ASH1L: variants seen among roughly 807,000 people sequenced by gnomAD.
The protein encoded by ASH1L is ASH1 like histone lysine methyltransferase.
In ASH1L, 23 loss-of-function variants were observed where a neutral mutation model predicts 269.0. That is an observed-to-expected ratio of 0.09 (90% CI 0.06 to 0.12). The LOEUF (loss-of-function observed/expected upper bound fraction) is 0.12. Among genes scored for constraint, ASH1L ranks in the 10% least tolerant of loss-of-function variants. The pLI is 1.00. For missense variants in ASH1L, 2,912 were observed against 3,567.8 expected (o/e 0.82, Z 4.68); for synonymous variants, 1,187 against 1,253.5 (o/e 0.95, Z 1.12).
chr1:155,505,044 C>A (rs1402202305), intron 2 of ASH1L, among the ~76,000 whole-genome samples: 5 of 152,128 alleles, frequency 3.3e-5, no homozygotes, highest in South Asian at 4.2e-4. Flanking sequence ...AAACAAAAAA[C>A]CAAAGAAAAA....
chr1:155,430,482 G>C (rs1265806792), intron 5 of ASH1L, among the ~76,000 whole-genome samples: 1 of 152,066 alleles, frequency 6.6e-6, no homozygotes, highest in Non-Finnish European at 1.5e-5. Flanking sequence ...TGTTAAAATT[G>C]TATTTTTCTA....
intron 21 of ASH1L, chr1:155,345,925 G>A (rs1028554008): frequency 1.3e-5 from 4 of 319,894 alleles, no homozygotes; most frequent in East Asian, 9.0e-5. Flanking sequence ...TCTGCCTCCC[G>A]GGTTCTAGCA....
chr1:155,541,462 T>C (rs1670422731), intron 1 of ASH1L, among the ~76,000 whole-genome samples: 1 of 152,126 alleles, frequency 6.6e-6, no homozygotes, highest in African/African-American at 2.4e-5. Context: ...ATGAAACTAC[T>C]AAGTCACTAA....
intron 5 of ASH1L, among the ~76,000 whole-genome samples, chr1:155,426,315 C>G (rs997338697): frequency 1.3e-5 from 2 of 152,088 alleles, no homozygotes; most frequent in African/African-American, 4.8e-5. Flanking sequence ...AGCAATCCAC[C>G]TGCCTTGGCC....
intron 7 of ASH1L, among the ~76,000 whole-genome samples, chr1:155,386,711 G>GT (rs1029687377): frequency 2.0e-5 from 3 of 151,234 alleles, no homozygotes; most frequent in Middle Eastern, 3.2e-3. Flanking sequence ...CTTCTCAATG[G>GT]TTTTTTTTCT....
intron 5 of ASH1L, among the ~76,000 whole-genome samples, chr1:155,423,762 AGTCTCTC>A (rs900235698): frequency 1.7e-4 from 26 of 152,124 alleles, no homozygotes; most frequent in Non-Finnish European, 3.1e-4. Flanking sequence ...ACGGAGTCTC[AGTCTCTC>A]GCTCAGGCTG....
chr1:155,462,814 TA>T (rs1391396967), intron 3 of ASH1L, among the ~76,000 whole-genome samples: 1 of 152,198 alleles, frequency 6.6e-6, no homozygotes, highest in African/African-American at 2.4e-5. Context: ...ATTCCATATT[TA>T]AAAAGAATCA....
intron 10 of ASH1L, among the ~76,000 whole-genome samples, chr1:155,375,599 C>A (rs1407247923): frequency 6.6e-6 from 1 of 151,974 alleles, no homozygotes; most frequent in African/African-American, 2.4e-5. Flanking sequence ...CCAGCGTGGT[C>A]AACATGGCAA....
At chr1:155,504,359 C>T (rs1404950867) in intron 2 of ASH1L, among the ~76,000 whole-genome samples, 1 of 152,102 alleles carries the variant, frequency 6.6e-6, no homozygotes, top group South Asian at 2.1e-4. Context: ...ATAGTGGCAA[C>T]TATTAAAAAT....
At chr1:155,414,167 A>T (rs577367850) in intron 6 of ASH1L, among the ~76,000 whole-genome samples, 1 of 152,262 alleles carries the variant, frequency 6.6e-6, no homozygotes, top group Non-Finnish European at 1.5e-5. Flanking sequence ...TTTGACAGAA[A>T]CTGTGAGGTG....
chr1:155,519,442 A>C (rs545502088), intron 2 of ASH1L, among the ~76,000 whole-genome samples: 1 of 152,210 alleles, frequency 6.6e-6, no homozygotes, highest in South Asian at 2.1e-4. Context: ...AACTCAAAAA[A>C]TAAATAAATA....
At chr1:155,551,276 C>CCG (rs1553278795) in intron 1 of ASH1L, among the ~76,000 whole-genome samples, 1 of 151,442 alleles carries the variant, frequency 6.6e-6, no homozygotes, top group African/African-American at 2.4e-5. Context: ...ATCTTTTCCT[C>CCG]GGGGGGGAAA....
At chr1:155,562,886 C>A, upstream of ASH1L, 2 of 453,564 alleles carry the variant, frequency 4.4e-6, no homozygotes, top group Non-Finnish European at 8.8e-6. Context: ...ACGGCCGCCG[C>A]CGCCGCCGCC....
At chr1:155,455,845 A>T (rs1281239088) in intron 4 of ASH1L, among the ~76,000 whole-genome samples, 1 of 152,198 alleles carries the variant, frequency 6.6e-6, no homozygotes, top group Non-Finnish European at 1.5e-5. Flanking sequence ...AATTAGTAAG[A>T]GCTTGTGGTC....
chr1:155,420,975 AC>A (rs1448651798), intron 5 of ASH1L, among the ~76,000 whole-genome samples: 5 of 146,944 alleles, frequency 3.4e-5, no homozygotes, highest in Non-Finnish European at 7.6e-5. Flanking sequence ...GGCAGCTTTC[AC>A]CTGTAATCCC....
At chr1:155,392,842 CTT>C (rs111947784) in intron 7 of ASH1L, among the ~76,000 whole-genome samples, 8 of 142,754 alleles carry the variant, frequency 5.6e-5, no homozygotes, top group Non-Finnish European at 4.6e-5. Context: ...AATTCCTCGT[CTT>C]TTTTTTTTTT....
rs1374696112 is a variant in ASH1L, at chr1:155,345,567, CCAG to C, written c.7890+813_7890+815del. 4.2e-3 allele frequency among the ~76,000 whole-genome samples: 624 copies of C among 148,434 alleles called. 3 individuals carry two copies. The highest frequency in any genetic ancestry group is 6.4e-3 in the Non-Finnish European group (433 of 67,308). The stretch of plus-strand genomic sequence containing the variant: ...GGATTATAGGTGTGAGCCACCATGC[CCAG>C]CTTTTTTTTTTTTTTTTTTTTTGAG... On this transcript the variant is annotated intron_variant, in intron 21 of 27. Coordinates refer to ENST00000392403, the MANE Select transcript of ASH1L (RefSeq NM_018489.3).
At chr1:155,381,840 T>A (rs1301656910) in intron 7 of ASH1L, among the ~76,000 whole-genome samples, 1 of 151,246 alleles carries the variant, frequency 6.6e-6, no homozygotes, top group Non-Finnish European at 1.5e-5. Context: ...TGTGTCAAGA[T>A]CACGTACTGC....
chr1:155,514,478 T>G (rs904661341), intron 2 of ASH1L, among the ~76,000 whole-genome samples: 1 of 152,206 alleles, frequency 6.6e-6, no homozygotes, highest in Non-Finnish European at 1.5e-5. Context: ...AATGTGGTTA[T>G]GTTATATATC....
Sources: allele counts gnomAD v4.1 joint callset (sites outside exome capture counted in the v4.1 genomes callset), GRCh38; gene constraint gnomAD v4.1.1; transcripts MANE v1.5; gene names NCBI Gene and HGNC (gene_info 2026-07-23, HGNC 2026-07-21).